Variants in NCAPG2 observed in about 807,000 individuals in gnomAD.
NCAPG2 encodes condensin-2 complex subunit G2.
NCAPG2 carries 53 observed loss-of-function variants against 141.1 expected under a neutral mutation model. That is an observed-to-expected ratio of 0.38 (90% CI 0.30 to 0.47). NCAPG2 has a LOEUF of 0.47. NCAPG2 is among the 20% of genes least tolerant of loss of function. The probability of loss-of-function intolerance (pLI) is 0.99; values close to 1 mark genes in which losing one functional copy is unlikely to be tolerated. For synonymous variants in NCAPG2, 499 were observed against 490.7 expected (o/e 1.02, Z -0.22); for missense variants, 1,087 against 1,389.0 (o/e 0.78, Z 3.46).
chr7:158,693,513 C>G lies in NCAPG2; in HGVS notation c.79-16G>C. ...AGGCCTCTTTCTGTAACATAAATAG[C>G]AAGTGTCACATTTCAAATACAAAAA... is the stretch of plus-strand genomic sequence containing the variant. On this transcript the variant is annotated splice_polypyrimidine_tract_variant and intron_variant, in intron 2 of 27. Transcript: ENST00000356309. 1.3e-6 allele frequency: 2 copies of G among 1,584,574 alleles called. No individual in the cohort carries two copies. Among genetic ancestry groups the G allele is most frequent in the Non-Finnish European group, 1.7e-6 (2 of 1,162,742 alleles).
At chr7:158,700,749 C>T (rs912184941) in intron 2 of NCAPG2, among the ~76,000 whole-genome samples, 1 of 26,186 alleles carries the variant, frequency 3.8e-5, no homozygotes, top group Admixed American at 5.8e-4. Context: ...TATTAGATTC[C>T]TCTAATTCTT....
chr7:158,656,113 G>A, intron 19 of NCAPG2, 147 bp downstream of exon 19: 1 of 1,082,408 alleles, frequency 9.2e-7, no homozygotes, highest in East Asian at 2.5e-5. Context: ...TCCATGCCTT[G>A]TACCAACTGA....
intron 27 of NCAPG2, among the ~76,000 whole-genome samples, chr7:158,642,751 C>T (rs956047053): frequency 2.6e-5 from 4 of 151,924 alleles, no homozygotes; most frequent in Non-Finnish European, 4.4e-5. Flanking sequence ...GTAAGAAAAA[C>T]AGAAACAGTA....
chr7:158,702,085 G>A lies in NCAPG2; in HGVS notation c.-39-147C>T, dbSNP rs111270060. 256 of 530,822 alleles carry A rather than the reference G, an allele frequency of 4.8e-4. 7 individuals are homozygous for A. Among genetic ancestry groups the A allele is most frequent in the African/African-American group, 3.7e-3 (187 of 50,806 alleles). 32.9% of individuals were successfully genotyped at this position (530,822 alleles called of 1,614,324 possible). On this transcript the variant is annotated intron_variant, in intron 1 of 27. Coordinates refer to ENST00000356309, the MANE Select transcript of NCAPG2 (RefSeq NM_017760.7). ...CTAAAAACATTCTGACATAAAACAC[G>A]CTATAATATCTGAAAAACAATTTAC...
chr7:158,632,679 G>A (rs1829969040), intron 27 of NCAPG2, among the ~76,000 whole-genome samples: 1 of 152,204 alleles, frequency 6.6e-6, no homozygotes, highest in Non-Finnish European at 1.5e-5. Flanking sequence ...CACAGCCCCT[G>A]TAATGTCAAT....
chr7:158,680,226 G>C (rs1187000854), intron 10 of NCAPG2, 141 bp from the exon 11 acceptor site: 6 of 991,726 alleles, frequency 6.1e-6, no homozygotes, highest in South Asian at 1.8e-5. Context: ...CGTTTAAATT[G>C]ACCAAACATT....
At chr7:158,671,180 T>TG (rs1195851694) in intron 13 of NCAPG2, among the ~76,000 whole-genome samples, 3 of 3,018 alleles carry the variant, frequency 9.9e-4, no homozygotes, top group African/African-American at 1.3e-3. Flanking sequence ...GGGGTGGGGG[T>TG]GGGGGGTGGC....
At chr7:158,649,419 A>C (rs2129458253) in intron 24 of NCAPG2, among the ~76,000 whole-genome samples, 1 of 152,356 alleles carries the variant, frequency 6.6e-6, no homozygotes, top group African/African-American at 2.4e-5. Context: ...AACTCTGCAC[A>C]AAAGTAGCCA....
Position 158,679,075 on chromosome 7 carries a change from C to G in NCAPG2, c.1146+885G>C, listed in dbSNP as rs142181435. 4.6e-3 allele frequency among the ~76,000 whole-genome samples: 704 copies of G among 152,294 alleles called. 2 individuals carry two copies. Among genetic ancestry groups the G allele is most frequent in the African/African-American group, 0.016 (648 of 41,564 alleles). ...CTCACTATGTTGCCCAGACTGGTCT[C>G]AAATTCCTGGCCTCAAATAGTCCTC... On this transcript the variant is annotated intron_variant, in intron 11 of 27. Coordinates refer to ENST00000356309, the MANE Select transcript of NCAPG2 (RefSeq NM_017760.7).
At chr7:158,662,462 T>C in intron 15 of NCAPG2, 95 bp from the exon 16 acceptor site, 2 of 1,112,048 alleles carry the variant, frequency 1.8e-6, no homozygotes, top group Non-Finnish European at 2.5e-6. Flanking sequence ...AGCAAAAATG[T>C]AGAGAACATC....
chr7:158,669,670 G>A (rs988189872), intron 13 of NCAPG2, among the ~76,000 whole-genome samples: 1 of 148,740 alleles, frequency 6.7e-6, no homozygotes, highest in African/African-American at 2.5e-5. Flanking sequence ...TCAGGAGGCT[G>A]AGGCAGGAGA....
At chr7:158,670,164 A>C (rs917349648) in intron 13 of NCAPG2, among the ~76,000 whole-genome samples, 1 of 152,370 alleles carries the variant, frequency 6.6e-6, no homozygotes, top group Non-Finnish European at 1.5e-5. Context: ...TTGGGTGTTA[A>C]TACTACATTG....
intron 16 of NCAPG2, among the ~76,000 whole-genome samples, chr7:158,659,343 A>AG: frequency 6.6e-6 from 1 of 151,718 alleles, no homozygotes; most frequent in East Asian, 1.9e-4. Context: ...AAAAAAAAAA[A>AG]AAAGAAGAAA....
intron 4 of NCAPG2, among the ~76,000 whole-genome samples, chr7:158,692,291 G>A (rs10230534): frequency 0.91 from 137,697 of 152,126 alleles, 62,381 homozygotes; most frequent in East Asian, 0.96. Flanking sequence ...TAGGCAACAG[G>A]GCGAGATTCT....
At chr7:158,641,671 A>T (rs1830660910) in intron 27 of NCAPG2, 1 of 442,976 alleles carries the variant, frequency 2.3e-6, no homozygotes. Flanking sequence ...CAGTAAGAAG[A>T]ATTATCAGAG....
rs202206596 is a variant in NCAPG2 at position 158,698,119 on chromosome 7, TA to T, written c.78+3702del. ...GTAACCCTGAATATAAAAGTTAAAA[TA>T]AAATAAAATGAAGAAAGATTTTTTG... On this transcript the variant is annotated intron_variant, in intron 2 of 27. Transcript: ENST00000356309. Among the ~76,000 whole-genome samples the T allele has an allele frequency of 1.0e-3, 155 of 152,260 alleles. No homozygotes were observed. In the East Asian group the frequency reaches 0.023, roughly 23 times the overall value.
Position 158,655,167 on chromosome 7 carries a change from T to G in NCAPG2, c.2597A>C (p.Glu866Ala). Residue 866 changes from glutamate (E) to alanine (A), a missense_variant, in exon 21 of 28, where the codon GAA (glutamate) becomes GCA (alanine). Glu to Ala is a moderately radical substitution (Grantham distance 107). Coordinates refer to ENST00000356309, the MANE Select transcript of NCAPG2 (RefSeq NM_017760.7). ...SKILSFIQDQ[E>A]EDYLKLHRVI... Reference sequence around the variant, plus strand: ...CCTATGAAGCTTCAGGTAGTCTTCTTCTTGATCTTGAATAAAAGATAAAAT... The same window carrying G: ...CCTATGAAGCTTCAGGTAGTCTTCTGCTTGATCTTGAATAAAAGATAAAAT... 6.2e-7 allele frequency: 1 copy of G among 1,614,078 alleles called. No individual in the cohort carries two copies.
At chr7:158,703,605 G>C (rs1038793463) in intron 1 of NCAPG2, 2 of 152,164 alleles carry the variant, frequency 1.3e-5, no homozygotes, top group African/African-American at 4.8e-5. Context: ...TAAGACCTCA[G>C]CCCTGCAGCC....
chr7:158,671,702 G>GTA, intron 12 of NCAPG2, 36 bp from the exon 13 acceptor site: 2 of 1,604,334 alleles, frequency 1.2e-6, no homozygotes, highest in Non-Finnish European at 1.7e-6. Flanking sequence ...TTCAAAATCA[G>GTA]AACATGCCAA....
Sources: allele counts gnomAD v4.1 joint callset (sites outside exome capture counted in the v4.1 genomes callset), GRCh38; gene constraint gnomAD v4.1.1; transcripts MANE v1.5; gene names NCBI Gene and HGNC (gene_info 2026-07-23, HGNC 2026-07-21).